Variants in NRG3 observed in about 807,000 individuals in gnomAD.
NRG3 encodes neuregulin 3.
Under a neutral mutation model 66.9 loss-of-function variants are expected in NRG3, and 31 were observed. The ratio of observed to expected loss-of-function variants is 0.46; its 90% CI spans 0.35 to 0.63. NRG3 has a LOEUF of 0.63. Ranked by LOEUF, NRG3 falls within the 20% of genes least tolerant of loss-of-function variation. NRG3 has a pLI of 0.00. For synonymous variants in NRG3, 393 were observed against 359.4 expected (o/e 1.09, Z -1.06); for missense variants, 910 against 878.9 (o/e 1.04, Z -0.45).
In NRG3 at chr10:81,980,010, C is replaced by T. The variant is rs181063243; in HGVS notation, c.823+103847C>T. 7.7e-4 allele frequency among the ~76,000 whole-genome samples: 117 copies of T among 152,270 alleles called. 1 individual carries two copies. The highest frequency in any genetic ancestry group is 1.5e-3 in the Non-Finnish European group (105 of 68,016). ...ACCAGCCCTTACTAAAAAAGTTAGT[C>T]GTCATCATTTTGCCCCACTTCCTCA... On this transcript the variant is annotated intron_variant, in intron 1 of 8. Coordinates refer to ENST00000372141, the MANE Select transcript of NRG3 (RefSeq NM_001010848.4).
chr10:82,290,930 A>C (rs1220267360), intron 1 of NRG3, among the ~76,000 whole-genome samples: 2 of 151,936 alleles, frequency 1.3e-5, no homozygotes, highest in African/African-American at 4.8e-5. Flanking sequence ...GGCGTGAGCC[A>C]CCGCACCCAG....
chr10:82,890,331 C>A (rs750521352), intron 4 of NRG3, among the ~76,000 whole-genome samples: 20 of 151,996 alleles, frequency 1.3e-4, no homozygotes, highest in Non-Finnish European at 2.6e-4. Flanking sequence ...CAGTCACTTG[C>A]CCCTTTCTAC....
chr10:82,884,337 C>T (rs997415364), intron 4 of NRG3, among the ~76,000 whole-genome samples: 8 of 152,044 alleles, frequency 5.3e-5, no homozygotes, highest in African/African-American at 2.4e-5. Flanking sequence ...TTCTAACTTT[C>T]GTCATCTTTG....
intron 1 of NRG3, among the ~76,000 whole-genome samples, chr10:81,931,841 C>G (rs1316447423): frequency 6.6e-6 from 1 of 152,114 alleles, no homozygotes; most frequent in Non-Finnish European, 1.5e-5. Context: ...AGAAACCAGG[C>G]AGAAAGCTTT....
In NRG3 at chr10:82,849,657, T is replaced by C. The variant is rs541492394; in HGVS notation, c.1028-15754T>C. Among the ~76,000 whole-genome samples, 20 of 152,260 alleles carry C rather than the reference T, an allele frequency of 1.3e-4. No individual in the cohort carries two copies. In the South Asian group the frequency reaches 1.9e-3, roughly 14 times the overall value. ...GGTGAGAGATTGAGCTTTGTAAATG[T>C]CTGAAAGAAGAGCATTATAGGCAGA... On this transcript the variant is annotated intron_variant, in intron 3 of 8. Transcript: ENST00000372141.
rs146707034 is a variant in NRG3, at chr10:81,974,265, A to G, written c.823+98102A>G. On this transcript the variant is annotated intron_variant, in intron 1 of 8. Coordinates refer to ENST00000372141, the MANE Select transcript of NRG3 (RefSeq NM_001010848.4). Reference sequence around the variant, plus strand: ...CTTCTCTATTCTGCTCCATTGATCTATGTGTCTCTTTTTTTACCAGTACCA... The same window carrying G: ...CTTCTCTATTCTGCTCCATTGATCTGTGTGTCTCTTTTTTTACCAGTACCA... Among the ~76,000 whole-genome samples, 565 of 152,204 alleles carry G rather than the reference A, an allele frequency of 3.7e-3. 5 individuals carry two copies. Among genetic ancestry groups the G allele is most frequent in the African/African-American group, 0.013 (538 of 41,524 alleles).
chr10:82,176,430 A>G (rs186240358), intron 1 of NRG3, among the ~76,000 whole-genome samples: 26 of 152,204 alleles, frequency 1.7e-4, no homozygotes, highest in Admixed American at 1.6e-3. Context: ...CTCCTGTTAT[A>G]TGCCTCTTTT....
intron 1 of NRG3, among the ~76,000 whole-genome samples, chr10:82,321,033 C>T (rs963623638): frequency 2.6e-5 from 4 of 152,314 alleles, no homozygotes; most frequent in South Asian, 4.1e-4. Flanking sequence ...TTTCTGGATG[C>T]CAGACAAGGA....
chr10:82,379,317 G>A (rs906213570), intron 2 of NRG3, among the ~76,000 whole-genome samples: 22 of 152,020 alleles, frequency 1.4e-4, no homozygotes, highest in Admixed American at 8.5e-4. Flanking sequence ...ATTAGCCAAC[G>A]CTTGGGGGGA....
intron 2 of NRG3, among the ~76,000 whole-genome samples, chr10:82,519,476 A>G (rs1845994170): frequency 6.6e-6 from 1 of 152,160 alleles, no homozygotes; most frequent in African/African-American, 2.4e-5. Flanking sequence ...TGTGATGACA[A>G]CACAAACACC....
rs10652539 is a variant in NRG3 at position 82,491,293 on chromosome 10, AATAT to A, written c.953+132445_953+132448del. On this transcript the variant is annotated intron_variant, in intron 2 of 8. Transcript: ENST00000372141. ...GATTCTGCCTATGCTGTTCCCATAA[AATAT>A]ATATATATATATATATATAAAATAA... is the stretch of plus-strand genomic sequence containing the variant. Among the ~76,000 whole-genome samples the A allele has an allele frequency of 2.3e-3, 190 of 82,200 alleles. 3 individuals are homozygous for A. Among genetic ancestry groups the A allele is most frequent in the African/African-American group, 6.1e-3 (175 of 28,488 alleles). 53.9% of individuals were successfully genotyped at this position (82,200 alleles called of 152,430 possible). A position where few individuals can be genotyped will look rare whatever the true frequency, so the allele number is the denominator to read the frequency against.
intron 1 of NRG3, among the ~76,000 whole-genome samples, chr10:82,121,170 C>G (rs888317225): frequency 6.6e-6 from 1 of 152,024 alleles, no homozygotes; most frequent in Non-Finnish European, 1.5e-5. Flanking sequence ...TAGATTCCAC[C>G]ACCACAGTTT....
chr10:82,862,670 A>G (rs886153520), intron 3 of NRG3, among the ~76,000 whole-genome samples: 10 of 151,036 alleles, frequency 6.6e-5, no homozygotes, highest in African/African-American at 1.5e-4. Context: ...AAGAGTAGAC[A>G]AACAAGTTTG....
chr10:82,522,941 C>G (rs1363586346), intron 2 of NRG3, among the ~76,000 whole-genome samples: 1 of 152,148 alleles, frequency 6.6e-6, no homozygotes, highest in South Asian at 2.1e-4. Flanking sequence ...CCCTGTCATC[C>G]CCAGACATAA....
intron 4 of NRG3, among the ~76,000 whole-genome samples, chr10:82,888,621 T>C (rs1842906846): frequency 6.6e-6 from 1 of 152,106 alleles, no homozygotes; most frequent in Admixed American, 6.6e-5. Flanking sequence ...TTTATAGGTA[T>C]TGGGAATGCA....
chr10:82,931,026 C>A (rs910663833), intron 4 of NRG3, among the ~76,000 whole-genome samples: 3 of 151,994 alleles, frequency 2.0e-5, no homozygotes, highest in Non-Finnish European at 4.4e-5. Context: ...GTATAGGAGG[C>A]GATGGCAAAA....
chr10:82,839,386 A>G (rs2062942927), intron 3 of NRG3, among the ~76,000 whole-genome samples: 1 of 152,134 alleles, frequency 6.6e-6, no homozygotes, highest in Non-Finnish European at 1.5e-5. Context: ...CAATTAAGTG[A>G]GAAGATAAAT....
chr10:82,949,872 CA>C (rs529741986), intron 4 of NRG3, among the ~76,000 whole-genome samples: 9 of 144,190 alleles, frequency 6.2e-5, no homozygotes, highest in Admixed American at 1.4e-4. Flanking sequence ...AAAACAAAAC[CA>C]AAAAAAAAAC....
intron 2 of NRG3, among the ~76,000 whole-genome samples, chr10:82,594,878 A>T (rs113861713): frequency 6.6e-6 from 1 of 151,924 alleles, no homozygotes; most frequent in East Asian, 1.9e-4. Context: ...TATCATGGTC[A>T]TCGCCTCTCA....
Sources: gnomAD v4.1 joint callset for allele counts (sites outside exome capture counted in the v4.1 genomes callset) on GRCh38, gnomAD v4.1.1 for gene constraint, MANE v1.5 for transcripts, NCBI Gene and HGNC (gene_info 2026-07-23, HGNC 2026-07-21) for gene names.